Variants in DAB2IP observed in about 807,000 individuals in gnomAD.
DAB2IP encodes the protein DAB2 interacting protein.
Under a neutral mutation model 107.2 loss-of-function variants are expected in DAB2IP, and 28 were observed. The ratio of observed to expected loss-of-function variants is 0.26; its 90% confidence interval spans 0.19 to 0.36. The LOEUF is 0.36. DAB2IP is among the 10% of genes least tolerant of loss of function. The pLI, the probability that DAB2IP is intolerant of heterozygous loss-of-function variation, is 1.00. For missense variants in DAB2IP, 1,400 were observed against 1,644.7 expected (o/e 0.85, Z 2.57); for synonymous variants, 755 against 706.4 (o/e 1.07, Z -1.09).
At chr9:121,700,506 A>T (rs886965491) in intron 3 of DAB2IP, among the ~76,000 whole-genome samples, 1 of 152,068 alleles carries the variant, frequency 6.6e-6, no homozygotes, top group Admixed American at 6.5e-5. Flanking sequence ...TTCAGCCCGA[A>T]CGTCTCAGAC....
At chr9:121,761,718 G>A (rs1833907385) in intron 6 of DAB2IP, among the ~76,000 whole-genome samples, 1 of 152,202 alleles carries the variant, frequency 6.6e-6, no homozygotes, top group Non-Finnish European at 1.5e-5. Context: ...CCAGCCTTCA[G>A]ACTTGGCTGG....
At position 121,591,750 on chromosome 9, in the gene DAB2IP, C is replaced by T. The variant is rs75778459; in HGVS notation, c.40+24522C>T. On this transcript the variant is annotated intron_variant, in intron 1 of 16. Transcript: ENST00000259371. The stretch of plus-strand genomic sequence containing the variant: ...GGGCTGGAGATAAACATTTGGGAAT[C>T]ATCTGCATAAGGACAGTGGTTGAAG... 3.7e-3 allele frequency among the ~76,000 whole-genome samples: 566 copies of T among 152,320 alleles called. 3 individuals are homozygous for T. The highest frequency in any genetic ancestry group is 0.013 in the African/African-American group (543 of 41,578).
chr9:121,605,982 TC>T (rs1272813398), intron 1 of DAB2IP, among the ~76,000 whole-genome samples: 1 of 152,078 alleles, frequency 6.6e-6, no homozygotes, highest in African/African-American at 2.4e-5. Context: ...GAAACATCTG[TC>T]CCTGAGTTCA....
At chr9:121,654,068 C>G (rs1832875401) in intron 1 of DAB2IP, among the ~76,000 whole-genome samples, 1 of 152,200 alleles carries the variant, frequency 6.6e-6, no homozygotes, top group African/African-American at 2.4e-5. Flanking sequence ...CCTCTCCAAG[C>G]CTCAGTGACC....
chr9:121,758,561 C>T (rs1833655318), intron 4 of DAB2IP, among the ~76,000 whole-genome samples: 1 of 152,098 alleles, frequency 6.6e-6, no homozygotes, highest in African/African-American at 2.4e-5. Flanking sequence ...GCAAGGTCTT[C>T]GTTCATTCCC....
At chr9:121,567,189 A>T in exon 1 of DAB2IP, 2 of 1,614,026 alleles carry the variant, frequency 1.2e-6, no homozygotes, top group Non-Finnish European at 1.7e-6. Flanking sequence ...CCCACACGCC[A>T]TGGAGCCCGA....
chr9:121,689,171 G>A (rs1479186187), intron 2 of DAB2IP, among the ~76,000 whole-genome samples: 2 of 152,086 alleles, frequency 1.3e-5, no homozygotes, highest in Non-Finnish European at 2.9e-5. Context: ...GCGCATGCCT[G>A]TAACCCCAGC....
chr9:121,613,339 T>C (rs750369078), intron 1 of DAB2IP, among the ~76,000 whole-genome samples: 3 of 152,258 alleles, frequency 2.0e-5, no homozygotes, highest in Non-Finnish European at 4.4e-5. Context: ...TGTTTGTTGT[T>C]GACATCCTCC....
rs964364557 is a variant in DAB2IP at position 121,680,732 on chromosome 9, CT to C, written c.228+1961del. 2.0e-4 allele frequency among the ~76,000 whole-genome samples: 25 copies of C among 122,130 alleles called. No individual in the cohort carries two copies. The East Asian group carries it at 2.5e-3, about 12-fold the overall frequency. The allele number at this position is 122,130 out of a possible 152,430, so 80.1% of individuals were successfully genotyped here. ...GCTCACTGTCCTACATCCCTGATCT[CT>C]TTTTTTTTTCTTTTTTTTTTTTTTT... On this transcript the variant is annotated intron_variant, in intron 2 of 15. Transcript: ENST00000408936.
Position 121,675,459 on chromosome 9 carries a change from C to G in DAB2IP, c.125-3219C>G, listed in dbSNP as rs147850185. 3.8e-3 allele frequency among the ~76,000 whole-genome samples: 580 copies of G among 152,298 alleles called. 5 individuals carry two copies. The highest frequency in any genetic ancestry group is 0.014 in the African/African-American group (566 of 41,556). ...CATTAGAAGCAGTCGGGCTTAGGGT[C>G]CTGACTGTGCCTGGCACTGCCCATC... On this transcript the variant is annotated intron_variant, in intron 1 of 15. Coordinates refer to ENST00000408936, the Ensembl canonical transcript of DAB2IP.
At chr9:121,688,521 C>G (rs573859398) in intron 2 of DAB2IP, among the ~76,000 whole-genome samples, 3 of 152,140 alleles carry the variant, frequency 2.0e-5, no homozygotes, top group Admixed American at 2.0e-4. Flanking sequence ...GCGGATCCTT[C>G]TACCCACAAT....
chr9:121,759,119 A>C (rs1833699894), intron 5 of DAB2IP, 123 bp downstream of exon 5: 1 of 942,514 alleles, frequency 1.1e-6, no homozygotes. Flanking sequence ...GCATGGAGGC[A>C]GGGCCCGAGT....
intron 1 of DAB2IP, among the ~76,000 whole-genome samples, chr9:121,672,824 A>G (rs560934234): frequency 4.6e-5 from 7 of 152,336 alleles, no homozygotes; most frequent in South Asian, 2.1e-4. Context: ...TGATCTTAGC[A>G]GATTCACTTC....
intron 3 of DAB2IP, chr9:121,737,101 A>C (rs1026324751): frequency 1.2e-6 from 1 of 828,276 alleles, no homozygotes; most frequent in African/African-American, 1.8e-5. Flanking sequence ...GGGGCAGGAT[A>C]TGACCTTGGG....
chr9:121,587,070 T>A (rs1043934036), intron 1 of DAB2IP, among the ~76,000 whole-genome samples: 6 of 152,120 alleles, frequency 3.9e-5, no homozygotes, highest in African/African-American at 1.4e-4. Flanking sequence ...CAGTCTCTTG[T>A]CCCCTCAGTA....
At chr9:121,775,994 C>T (rs1186185649) in intron 13 of DAB2IP, among the ~76,000 whole-genome samples, 1 of 152,194 alleles carries the variant, frequency 6.6e-6, no homozygotes, top group African/African-American at 2.4e-5. Context: ...GTGGAGGCCC[C>T]ACGGTGGGGC....
intron 14 of DAB2IP, among the ~76,000 whole-genome samples, chr9:121,780,372 C>G (rs1308938924): frequency 1.3e-5 from 2 of 152,176 alleles, no homozygotes; most frequent in Admixed American, 1.3e-4. Context: ...TTAGTGCTCC[C>G]TGAACTGCTG....
At chr9:121,631,116 G>A (rs908260847) in intron 1 of DAB2IP, among the ~76,000 whole-genome samples, 2 of 152,194 alleles carry the variant, frequency 1.3e-5, no homozygotes, top group East Asian at 3.9e-4. Flanking sequence ...GCTGCTCTTT[G>A]TACCCATCTC....
intron 3 of DAB2IP, among the ~76,000 whole-genome samples, chr9:121,735,777 A>G (rs1044018390): frequency 6.6e-6 from 1 of 152,164 alleles, no homozygotes; most frequent in Non-Finnish European, 1.5e-5. Context: ...GGGATGGGAA[A>G]AAGGGTGACC....
Sources: allele counts gnomAD v4.1 joint callset (sites outside exome capture counted in the v4.1 genomes callset), GRCh38; gene constraint gnomAD v4.1.1; transcripts MANE v1.5; gene names NCBI Gene and HGNC (gene_info 2026-07-23, HGNC 2026-07-21).